The following UMAD1 variants were observed in gnomAD, a reference collection of about 807,000 sequenced individuals.
The protein encoded by UMAD1 is UBAP1-MVB12-associated (UMA) domain containing 1, also known as UBAP1-MVB12-associated (UMA)-domain containing protein 1.
A neutral mutation model predicts 6.1 loss-of-function variants in UMAD1; 8 were observed. The observed-to-expected ratio is 1.30, with a 90% CI of 0.76 to 2.35. The LOEUF (loss-of-function observed/expected upper bound fraction) is 2.35, where lower values mean the gene tolerates loss of function less well. Among genes scored for constraint, UMAD1 ranks in the 30% most tolerant of loss-of-function variants. The probability of loss-of-function intolerance (pLI) is 0.00; values close to 1 mark genes in which losing one functional copy is unlikely to be tolerated. For synonymous variants in UMAD1, 56 were observed against 31.4 expected (o/e 1.78, Z -2.61); for missense variants, 130 against 78.4 (o/e 1.66, Z -2.49).
chr7:7,842,753 T>A (rs1450995389), intron 3 of UMAD1, among the ~76,000 whole-genome samples: 1 of 152,208 alleles, frequency 6.6e-6, no homozygotes, highest in African/African-American at 2.4e-5. Context: ...TCCATCCTTG[T>A]TTCTTTTAGC....
In UMAD1 at chr7:7,777,588, T is replaced by C. The variant is rs969109613; in HGVS notation, c.83-24082T>C. Among the ~76,000 whole-genome samples the C allele has an allele frequency of 9.4e-4, 136 of 144,664 alleles. 4 individuals are homozygous for C. Among genetic ancestry groups the C allele is most frequent in the African/African-American group, 3.3e-3 (129 of 38,892 alleles). 94.9% of individuals were successfully genotyped at this position (144,664 alleles called of 152,430 possible). ...ATACATGAGCAAATATATATATATA[T>C]ATATATATATATATGTAATTGCCAG... On this transcript the variant is annotated intron_variant, in intron 2 of 3. Transcript: ENST00000682710.
chr7:7,735,413 C>CAT, intron 2 of UMAD1, among the ~76,000 whole-genome samples: 1 of 145,866 alleles, frequency 6.9e-6, no homozygotes. Context: ...ACATCCTCAC[C>CAT]TTTTTTTTTT....
intron 2 of UMAD1, among the ~76,000 whole-genome samples, chr7:7,761,891 T>C (rs994414850): frequency 1.3e-5 from 2 of 152,250 alleles, no homozygotes; most frequent in Non-Finnish European, 2.9e-5. Context: ...CGTTGCTTCT[T>C]ATCCGTCTCC....
chr7:7,671,200 C>T (rs917381657), intron 1 of UMAD1, among the ~76,000 whole-genome samples: 1 of 152,212 alleles, frequency 6.6e-6, no homozygotes, highest in Non-Finnish European at 1.5e-5. Flanking sequence ...TAACTTTAGT[C>T]AGCTTCGTGT....
In UMAD1 at chr7:7,830,625, T is replaced by C. The variant is rs141473584; in HGVS notation, c.156+28882T>C. 1.9e-3 allele frequency among the ~76,000 whole-genome samples: 288 copies of C among 152,268 alleles called. No individual in the cohort carries two copies. Among genetic ancestry groups the C allele is most frequent in the Non-Finnish European group, 2.9e-3 (199 of 68,008 alleles). ...GTCATACTGATTCTTACCTTCAGCATGTTTTGGTTCATTTTCCTTGTCCCA... is the reference window on the plus strand; with the variant it reads ...GTCATACTGATTCTTACCTTCAGCACGTTTTGGTTCATTTTCCTTGTCCCA... On this transcript the variant is annotated intron_variant, in intron 3 of 3. Coordinates refer to ENST00000682710, the MANE Select transcript of UMAD1 (RefSeq NM_001302348.2). The surrounding 1 kb of genome is among the most constrained non-coding windows in gnomAD (Gnocchi z 5.3).
At chr7:7,867,546 A>G (rs1474344805) in intron 3 of UMAD1, among the ~76,000 whole-genome samples, 1 of 152,208 alleles carries the variant, frequency 6.6e-6, no homozygotes, top group African/African-American at 2.4e-5. Flanking sequence ...AAGTGCTACA[A>G]AGTGGTCATT....
rs1191304328 is a variant in UMAD1, at chr7:7,847,122, T to A, written c.157-30159T>A. ...AAAAAAAAATATATATATATATATA[T>A]ATATATATATATATATATATATATA... On this transcript the variant is annotated intron_variant, in intron 3 of 3. Transcript: ENST00000682710. Among the ~76,000 whole-genome samples, 26 of 23,054 alleles carry A rather than the reference T, an allele frequency of 1.1e-3. 6 individuals carry two copies. The highest frequency in any genetic ancestry group is 5.6e-3 in the African/African-American group (26 of 4,684). The allele number at this position is 23,054 out of a possible 152,430, so 15.1% of individuals were successfully genotyped here.
At chr7:7,793,297 G>A (rs551706694) in intron 2 of UMAD1, among the ~76,000 whole-genome samples, 2 of 152,298 alleles carry the variant, frequency 1.3e-5, no homozygotes, top group East Asian at 3.9e-4. Context: ...TAGAGGATTT[G>A]GGTAGAGTTC....
chr7:7,763,978 G>C (rs985997150), intron 2 of UMAD1, among the ~76,000 whole-genome samples: 7 of 152,154 alleles, frequency 4.6e-5, no homozygotes, highest in African/African-American at 1.2e-4. Flanking sequence ...TAGAAAAGAA[G>C]ATACCAAAAA....
chr7:7,660,247 T>G (rs1785440545), intron 1 of UMAD1, among the ~76,000 whole-genome samples: 1 of 152,252 alleles, frequency 6.6e-6, no homozygotes, highest in Non-Finnish European at 1.5e-5. Context: ...ATCTTGACTC[T>G]TTATCCAATT....
chr7:7,845,198 T>G (rs1783760626), intron 3 of UMAD1, among the ~76,000 whole-genome samples: 1 of 152,104 alleles, frequency 6.6e-6, no homozygotes, highest in African/African-American at 2.4e-5. Context: ...ATACCAATTA[T>G]GTTTTGGACT....
At chr7:7,694,604 T>A (rs529776952) in intron 2 of UMAD1, among the ~76,000 whole-genome samples, 2 of 152,090 alleles carry the variant, frequency 1.3e-5, no homozygotes, top group South Asian at 2.1e-4. Context: ...ATTATTTTAA[T>A]TTTTAGTTCC....
At chr7:7,787,970 T>C (rs752405485) in intron 2 of UMAD1, among the ~76,000 whole-genome samples, 1 of 152,204 alleles carries the variant, frequency 6.6e-6, no homozygotes, top group African/African-American at 2.4e-5. Flanking sequence ...GAAACTTAAA[T>C]TTTTCTGAGA....
At chr7:7,696,913 C>G (rs1299850821) in intron 2 of UMAD1, among the ~76,000 whole-genome samples, 1 of 151,732 alleles carries the variant, frequency 6.6e-6, no homozygotes, top group Non-Finnish European at 1.5e-5. Context: ...AGACTAGTCA[C>G]AGATTTATTG....
At chr7:7,800,775 C>T (rs568044680) in intron 2 of UMAD1, among the ~76,000 whole-genome samples, 1 of 152,308 alleles carries the variant, frequency 6.6e-6, no homozygotes, top group East Asian at 1.9e-4. Context: ...CCAGTCAAGA[C>T]TCATGACTTT....
chr7:7,843,801 G>A (rs1452032789), intron 3 of UMAD1, among the ~76,000 whole-genome samples: 1 of 152,104 alleles, frequency 6.6e-6, no homozygotes, highest in African/African-American at 2.4e-5. Flanking sequence ...TTACCAAACT[G>A]ACAGAACAAC....
intron 2 of UMAD1, among the ~76,000 whole-genome samples, chr7:7,769,540 A>C (rs184591615): frequency 4.4e-4 from 67 of 152,238 alleles, no homozygotes; most frequent in Admixed American, 1.5e-3. Flanking sequence ...CCCCAGTGAA[A>C]TGCTCGTCGA....
chr7:7,843,032 T>C (rs56658354), intron 3 of UMAD1, among the ~76,000 whole-genome samples: 5,186 of 152,302 alleles, frequency 0.034, 238 homozygotes, highest in East Asian at 0.21. Flanking sequence ...TTGAGATGGT[T>C]CATCCAGTAC....
At chr7:7,646,178 A>G (rs1413170591) in intron 1 of UMAD1, among the ~76,000 whole-genome samples, 1 of 152,206 alleles carries the variant, frequency 6.6e-6, no homozygotes, top group Non-Finnish European at 1.5e-5. Flanking sequence ...TCCCACACCC[A>G]GTGCATCCTG....
Sources: gnomAD v4.1 joint callset for allele counts (sites outside exome capture counted in the v4.1 genomes callset) on GRCh38, gnomAD v4.1.1 for gene constraint, Gnocchi (gnomAD v3.1) non-coding constraint, MANE v1.5 for transcripts, NCBI Gene and HGNC (gene_info 2026-07-23, HGNC 2026-07-21) for gene names.